The following CAPS variants were observed in gnomAD, a reference collection of about 807,000 sequenced individuals.
CAPS encodes the protein calcyphosine, also known as calcyphosin.
CAPS carries 16 observed loss-of-function variants against 15.5 expected under a neutral mutation model. The observed-to-expected ratio is 1.03, with a 90% CI of 0.70 to 1.57. The LOEUF (loss-of-function observed/expected upper bound fraction) is 1.57. CAPS is among the 40% of genes most tolerant of loss of function. The pLI is 0.00. For missense variants in CAPS, 294 were observed against 278.4 expected, an observed-to-expected ratio of 1.06 and a Z score of -0.40; for synonymous variants, 121 against 116.0, an observed-to-expected ratio of 1.04 and a Z score of -0.28.
At position 5,914,941 on chromosome 19, in the gene CAPS, CCCCCATG is replaced by C. The variant is rs1568438277; in HGVS notation, c.264_270del (p.Met90ArgfsTer22). 6.2e-7 allele frequency: 1 copy of C among 1,601,996 alleles called. No homozygotes were observed. Among genetic ancestry groups the C allele is most frequent in the Admixed American group, 1.7e-5 (1 of 59,910 alleles). ...CCCAGTCACCACCTCCTGTCCCAGCCCCCCATGTCCCAGGCCCGGGAGGCTGTCATCG... is the reference window on the plus strand; with the variant it reads ...CCCAGTCACCACCTCCTGTCCCAGCCTCCCAGGCCCGGGAGGCTGTCATCG... On this transcript the variant is annotated frameshift_variant and splice_region_variant, in exon 4 of 5. Transcript: ENST00000588776. LOFTEE classifies it high-confidence loss of function.
chr19:5,914,612 G>A lies in CAPS; in HGVS notation c.133G>A (p.Glu45Lys), dbSNP rs1303925791. 1 of 1,613,446 alleles carries A rather than the reference G, an allele frequency of 6.2e-7. No individual in the cohort carries two copies. ...RDGSRSLDAD[E>K]FRQGLAKLGL... The stretch of plus-strand genomic sequence containing the variant: ...CGGGAGCAGATCCCTGGACGCTGAT[G>A]AGTTCCGGCAGGGTCTGGCCAAACT... Residue 45 changes from glutamate to lysine, a missense_variant, in exon 3 of 5, where the codon GAG (glutamate) becomes AAG (lysine). Physicochemically the swap from Glu to Lys is moderately conservative, Grantham distance 56. Coordinates refer to ENST00000588776, the MANE Select transcript of CAPS (RefSeq NM_004058.5).
chr19:5,915,077 G>A lies in CAPS; in HGVS notation c.399G>A (p.Gly133=). 1 of 1,613,214 alleles carries A rather than the reference G, an allele frequency of 6.2e-7. No homozygotes were observed. Among genetic ancestry groups the A allele is most frequent in the South Asian group, 1.1e-5 (1 of 91,088 alleles). ...GTGCCCACCCCAAGGTGCGCAGTGGGGAGTGGACCGAGGACGAGGTGCTGC... is the reference window on the plus strand; with the variant it reads ...GTGCCCACCCCAAGGTGCGCAGTGGAGAGTGGACCGAGGACGAGGTGCTGC... ...SGRAHPKVRS[G]EWTEDEVLRR... Residue 133 remains glycine, a synonymous_variant, in exon 4 of 5, where the codon GGG becomes GGA. Transcript: ENST00000588776.
rs1297679362 is a variant in CAPS at position 5,915,625 on chromosome 19, C to T, written c.*303C>T. ...GATGCCCCCGCCGAGGTCCCCCGAT[C>T]CCCGCACCCGGACTGCTGCTCCCTG... is the stretch of plus-strand genomic sequence containing the variant. On this transcript the variant is annotated 3_prime_UTR_variant, in exon 5 of 5. Transcript: ENST00000588776. 6.1e-6 allele frequency: 2 copies of T among 326,076 alleles called. No homozygotes were observed. Among genetic ancestry groups the T allele is most frequent in the South Asian group, 4.4e-5 (1 of 22,490 alleles). 20.2% of individuals were successfully genotyped at this position (326,076 alleles called of 1,614,324 possible).
At position 5,915,014 on chromosome 19, in the gene CAPS, C is replaced by T. The variant is rs576399896; in HGVS notation, c.336C>T (p.Val112=). 3.9e-5 allele frequency: 63 copies of T among 1,612,162 alleles called. No homozygotes were observed. Among genetic ancestry groups the T allele is most frequent in the South Asian group, 2.5e-4 (23 of 91,064 alleles). The change falls in exon 4 of 5, where the codon GTC becomes GTT. Residue 112 remains valine (V), a synonymous_variant. Coordinates refer to ENST00000588776, the MANE Select transcript of CAPS (RefSeq NM_004058.5). ...AGCTGGACCGCAGTGGGGACGGCGT[C>T]GTGACGGTGGACGACCTCCGCGGGG... ...FAKLDRSGDG[V]VTVDDLRGVY...
Position 5,915,440 on chromosome 19 carries a change from T to C in CAPS, c.*118T>C. 1 of 726,414 alleles carries C rather than the reference T, an allele frequency of 1.4e-6. No individual in the cohort carries two copies. Among genetic ancestry groups the C allele is most frequent in the Non-Finnish European group, 2.2e-6 (1 of 446,870 alleles). The allele number at this position is 726,414 out of a possible 1,614,324, so 45.0% of individuals were successfully genotyped here. A position where few individuals can be genotyped will look rare whatever the true frequency, so the allele number is the denominator to read the frequency against. Reference sequence around the variant, plus strand: ...ACACCACAGAGCGGGGAGGGGCAGGTGGGGGAATGGAGGCTGCAGGACTGG... The same window carrying C: ...ACACCACAGAGCGGGGAGGGGCAGGCGGGGGAATGGAGGCTGCAGGACTGG... On this transcript the variant is annotated 3_prime_UTR_variant, in exon 5 of 5. Coordinates refer to ENST00000588776, the MANE Select transcript of CAPS (RefSeq NM_004058.5).
chr19:5,914,774 C>T (rs1172463516), intron 3 of CAPS, 34 bp downstream of exon 3: 2 of 1,586,292 alleles, frequency 1.3e-6, no homozygotes, highest in Admixed American at 1.7e-5. Context: ...GGCGTGTGCC[C>T]TGGGCATGGG....
chr19:5,914,598 C>G lies in CAPS; in HGVS notation c.119C>G (p.Ser40Cys), dbSNP rs767874840. The change falls in exon 3 of 5, where the codon TCC (serine) becomes TGC (cysteine). Residue 40 changes from serine to cysteine, a missense_variant. Transcript: ENST00000588776. ...CAACTAGACCGGGACGGGAGCAGAT[C>G]CCTGGACGCTGATGAGTTCCGGCAG... Reference protein sequence around the residue: ...FRQLDRDGSRSLDADEFRQGL... With the variant: ...FRQLDRDGSRCLDADEFRQGL... 1 of 1,612,802 alleles carries G rather than the reference C, an allele frequency of 6.2e-7. No homozygotes were observed. The highest frequency in any genetic ancestry group is 1.3e-5 in the African/African-American group (1 of 74,946).
At position 5,915,216 on chromosome 19, in the gene CAPS, C is replaced by T. The variant is rs760326079; in HGVS notation, c.469-5C>T. On this transcript the variant is annotated splice_polypyrimidine_tract_variant and splice_region_variant and intron_variant, in intron 4 of 4. Coordinates refer to ENST00000588776, the MANE Select transcript of CAPS (RefSeq NM_004058.5). The stretch of plus-strand genomic sequence containing the variant: ...CCGTGCCCCCTCACGGCCCTCTGTT[C>T]CCAGGTCACACTGGCGGAATTCCAG... 3 of 1,612,454 alleles carry T rather than the reference C, an allele frequency of 1.9e-6. No individual in the cohort carries two copies. The highest frequency in any genetic ancestry group is 2.5e-6 in the Non-Finnish European group (3 of 1,179,536).
Position 5,914,722 on chromosome 19 carries a change from G to A in CAPS, c.243G>A (p.Glu81=), listed in dbSNP as rs2057716141. The change falls in exon 3 of 5, where the codon GAG becomes GAA. Residue 81 remains glutamate, a synonymous_variant. Coordinates refer to ENST00000588776, the MANE Select transcript of CAPS (RefSeq NM_004058.5). The part of the protein sequence containing the change: ...RNGSGTLDLE[E]FLRALRPPMS... The stretch of plus-strand genomic sequence containing the variant: ...GCAGCGGGACGCTGGATCTGGAGGA[G>A]TTCCTTCGGGCGCTGCGGGTGAGCC... 3 of 1,611,676 alleles carry A rather than the reference G, an allele frequency of 1.9e-6. No individual in the cohort carries two copies. The highest frequency in any genetic ancestry group is 1.7e-5 in the Admixed American group (1 of 59,852).
In CAPS at chr19:5,914,961, G is replaced by T; in HGVS notation, c.283G>T (p.Glu95Ter). Reference sequence around the variant, plus strand: ...CCAGCCCCCCATGTCCCAGGCCCGGGAGGCTGTCATCGCAGCTGCATTTGC... The same window carrying T: ...CCAGCCCCCCATGTCCCAGGCCCGGTAGGCTGTCATCGCAGCTGCATTTGC... ...ALRPPMSQAR[E>*]AVIAAAFAKL... The change falls in exon 4 of 5, where the codon GAG (glutamate) becomes TAG (stop). Residue 95 changes from glutamate (E) to a stop codon, truncating the protein, a stop_gained. Transcript: ENST00000588776. LOFTEE classifies it high-confidence loss of function. The T allele has an allele frequency of 6.2e-7, 1 of 1,607,264 alleles. No individual in the cohort carries two copies.
rs772785086 is a variant in CAPS, at chr19:5,915,333, C to T, written c.*11C>T. On this transcript the variant is annotated 3_prime_UTR_variant, in exon 5 of 5. Coordinates refer to ENST00000588776, the MANE Select transcript of CAPS (RefSeq NM_004058.5). Reference sequence around the variant, plus strand: ...GCCTGGCAGCTGTGAGCAGCTCCGGCTCAGCCCTGCTGCCCTGGCCTGTCA... The same window carrying T: ...GCCTGGCAGCTGTGAGCAGCTCCGGTTCAGCCCTGCTGCCCTGGCCTGTCA... The T allele has an allele frequency of 1.9e-6, 3 of 1,582,216 alleles. No individual in the cohort carries two copies. The South Asian group carries it at 3.4e-5, about 18-fold the overall frequency.
At position 5,915,274 on chromosome 19, in the gene CAPS, C is replaced by G. The variant is rs776535205; in HGVS notation, c.522C>G (p.Asn174Lys). Reference sequence around the variant, plus strand: ...ACAGCGGCGTGAGTGCCTCCATGAACACGGATGAGGAGTTCGTGGCCATGA... The same window carrying G: ...ACAGCGGCGTGAGTGCCTCCATGAAGACGGATGAGGAGTTCGTGGCCATGA... ...DYYSGVSASM[N>K]TDEEFVAMMT... Residue 174 changes from asparagine (N) to lysine (K), a missense_variant, in exon 5 of 5, where the codon AAC (asparagine) becomes AAG (lysine). Asn to Lys is a moderately conservative substitution (Grantham distance 94, BLOSUM62 0). Coordinates refer to ENST00000588776, the MANE Select transcript of CAPS (RefSeq NM_004058.5). 6.2e-7 allele frequency: 1 copy of G among 1,612,988 alleles called. No individual in the cohort carries two copies. The highest frequency in any genetic ancestry group is 8.5e-7 in the Non-Finnish European group (1 of 1,179,892).
chr19:5,914,370 C>T lies in CAPS; in HGVS notation c.-22-15C>T. On this transcript the variant is annotated splice_polypyrimidine_tract_variant and intron_variant, in intron 1 of 4. Coordinates refer to ENST00000588776, the MANE Select transcript of CAPS (RefSeq NM_004058.5). ...GGCTTGCGGGAGTCCCCACCTTGAC[C>T]TCTCTCCCTTCCAGCTGCCCAGAGC... 18 of 1,613,060 alleles carry T rather than the reference C, an allele frequency of 1.1e-5. No individual in the cohort carries two copies. Among genetic ancestry groups the T allele is most frequent in the Non-Finnish European group, 1.4e-5 (17 of 1,179,946 alleles).
chr19:5,914,441 G>C lies in CAPS; in HGVS notation c.35G>C (p.Arg12Pro). ...GTGGATGCCACCATGGAGAAACTCCGGGCACAGTGCCTGTCCCGCGGGGCC... is the reference window on the plus strand; with the variant it reads ...GTGGATGCCACCATGGAGAAACTCCCGGCACAGTGCCTGTCCCGCGGGGCC... Reference protein sequence around the residue: ...DAVDATMEKLRAQCLSRGASG... With the variant: ...DAVDATMEKLPAQCLSRGASG... Residue 12 changes from arginine (R) to proline (P), a missense_variant, in exon 2 of 5, where the codon CGG (arginine) becomes CCG (proline). Transcript: ENST00000588776. 6.2e-7 allele frequency: 1 copy of C among 1,613,092 alleles called. No individual in the cohort carries two copies. The highest frequency in any genetic ancestry group is 8.5e-7 in the Non-Finnish European group (1 of 1,179,952).
chr19:5,915,304 C>T lies in CAPS; in HGVS notation c.552C>T (p.Thr184=), dbSNP rs754113853. 4 of 1,610,234 alleles carry T rather than the reference C, an allele frequency of 2.5e-6. No homozygotes were observed. Among genetic ancestry groups the T allele is most frequent in the South Asian group, 2.2e-5 (2 of 90,874 alleles). The change falls in exon 5 of 5, where the codon ACC becomes ACT. Residue 184 remains threonine (T), a synonymous_variant. Coordinates refer to ENST00000588776, the MANE Select transcript of CAPS (RefSeq NM_004058.5). ...NTDEEFVAMM[T]SAWQL ...ATGAGGAGTTCGTGGCCATGATGACCAGTGCCTGGCAGCTGTGAGCAGCTC... is the reference window on the plus strand; with the variant it reads ...ATGAGGAGTTCGTGGCCATGATGACTAGTGCCTGGCAGCTGTGAGCAGCTC...
In CAPS at chr19:5,914,680, G is replaced by T; in HGVS notation, c.201G>T (p.Arg67Ser). The T allele has an allele frequency of 6.2e-7, 1 of 1,614,048 alleles. No homozygotes were observed. The highest frequency in any genetic ancestry group is 8.5e-7 in the Non-Finnish European group (1 of 1,180,020). The change falls in exon 3 of 5, where the codon AGG becomes AGT. Residue 67 changes from arginine to serine, a missense_variant. Physicochemically the swap from Arg to Ser is moderately radical, Grantham distance 110. Transcript: ENST00000588776. ...LDQAEAEGVC[R>S]KWDRNGSGTL... ...AGGCGGAGGCAGAGGGTGTGTGCAG[G>T]AAGTGGGACCGCAATGGCAGCGGGA...
rs1404610741 is a variant in CAPS at position 5,914,560 on chromosome 19, C to T, written c.84-3C>T. 9 of 1,604,358 alleles carry T rather than the reference C, an allele frequency of 5.6e-6. No homozygotes were observed. The South Asian group carries it at 6.6e-5, about 12-fold the overall frequency. On this transcript the variant is annotated splice_polypyrimidine_tract_variant and splice_region_variant and intron_variant, in intron 2 of 4. Transcript: ENST00000588776. ...CTGTTCCAACCGTGTCCCCTGCCTC[C>T]AGGTTTTTCCGCCAACTAGACCGGG...
At position 5,915,375 on chromosome 19, in the gene CAPS, G is replaced by A. The variant is rs1372829223; in HGVS notation, c.*53G>A. 17 of 1,329,578 alleles carry A rather than the reference G, an allele frequency of 1.3e-5. No individual in the cohort carries two copies. The East Asian group carries it at 3.7e-4, about 29-fold the overall frequency. 82.4% of individuals were successfully genotyped at this position (1,329,578 alleles called of 1,614,324 possible). ...GGCCTGTCACTCCCCACCCCTGCCG[G>A]AGACCTCCCTTCCCTGGGCCCCTTC... On this transcript the variant is annotated 3_prime_UTR_variant, in exon 5 of 5. Coordinates refer to ENST00000588776, the MANE Select transcript of CAPS (RefSeq NM_004058.5).
intron 2 of CAPS, 26 bp downstream of exon 2, chr19:5,914,515 G>C: frequency 6.2e-7 from 1 of 1,606,270 alleles, no homozygotes; most frequent in Non-Finnish European, 8.5e-7. Flanking sequence ...TCACCTTCCT[G>C]ACCCCGGCCC....
Sources: gnomAD v4.1 joint callset for allele counts on GRCh38, gnomAD v4.1.1 for gene constraint, MANE v1.5 for transcripts, NCBI Gene and HGNC (gene_info 2026-07-23, HGNC 2026-07-21) for gene names.